XPO5: variants seen among roughly 807,000 people sequenced by gnomAD.
XPO5 encodes the protein exportin-5.
In XPO5, 46 loss-of-function variants were observed where a neutral mutation model predicts 160.6. The observed-to-expected ratio is 0.29, with a 90% confidence interval of 0.23 to 0.37. The LOEUF is 0.37. Among genes scored for constraint, XPO5 ranks in the 10% least tolerant of loss-of-function variants. The pLI is 1.00. For synonymous variants in XPO5, 537 were observed against 519.3 expected, an observed-to-expected ratio of 1.03 and a Z score of -0.46; for missense variants, 1,090 against 1,463.9, an observed-to-expected ratio of 0.74 and a Z score of 4.17.
chr6:43,541,562 A>G (rs1794690480), intron 20 of XPO5, among the ~76,000 whole-genome samples: 1 of 148,024 alleles, frequency 6.8e-6, no homozygotes, highest in Non-Finnish European at 1.5e-5. Flanking sequence ...TGCCAGGCCC[A>G]TTAAGCAGTA....
At chr6:43,533,019 G>A (rs1294706937) in intron 21 of XPO5, among the ~76,000 whole-genome samples, 1 of 152,046 alleles carries the variant, frequency 6.6e-6, no homozygotes, top group Non-Finnish European at 1.5e-5. Flanking sequence ...GATGGTGCAT[G>A]CCTGTAGTCC....
At chr6:43,568,418 C>A (rs528597638) in intron 6 of XPO5, among the ~76,000 whole-genome samples, 2 of 152,200 alleles carry the variant, frequency 1.3e-5, no homozygotes, top group African/African-American at 4.8e-5. Flanking sequence ...TTGACACCGG[C>A]CTAGGCAACA....
rs1399912293 is a variant in XPO5, at chr6:43,570,882, T to G, written c.413A>C (p.Glu138Ala). ...CCCTTGTTTGGAAAGAGTGTCCAAT[T>G]CTATTAGCATGTCAGGCCAATGCTG... ...WPQHWPDMLI[E>A]LDTLSKQGET... The change falls in exon 4 of 32, where the codon GAA becomes GCA. Residue 138 changes from glutamate (E) to alanine (A), a missense_variant. This residue lies in a region of XPO5 where 170 missense variants were observed against 227.0 expected (regional missense o/e 0.75). Transcript: ENST00000265351. 6.2e-7 allele frequency: 1 copy of G among 1,612,412 alleles called. No individual in the cohort carries two copies. Among genetic ancestry groups the G allele is most frequent in the African/African-American group, 1.3e-5 (1 of 74,758 alleles).
At chr6:43,570,748 G>A in intron 4 of XPO5, 64 bp from the exon 5 acceptor site, 1 of 1,531,628 alleles carries the variant, frequency 6.5e-7, no homozygotes, top group Non-Finnish European at 8.7e-7. Flanking sequence ...TATATCCAAA[G>A]GCTATTTTCT....
rs1372107733 is a variant in XPO5, at chr6:43,539,135, G to A, written c.2343-5128C>T. 10 of 1,171,310 alleles carry A rather than the reference G, an allele frequency of 8.5e-6. No homozygotes were observed. In the East Asian group the frequency reaches 2.5e-4, roughly 29 times the overall value. 72.6% of individuals were successfully genotyped at this position (1,171,310 alleles called of 1,614,324 possible). On this transcript the variant is annotated intron_variant, in intron 20 of 31. Coordinates refer to ENST00000265351, the MANE Select transcript of XPO5 (RefSeq NM_020750.3). ...TGCAGGGATGAGGCGCACCAGCACA[G>A]AGCCACGGCGGCCTGTCACCTTGCA...
intron 7 of XPO5, 42 bp downstream of exon 7, chr6:43,567,127 C>T (rs749768045): frequency 5.1e-6 from 8 of 1,572,484 alleles, no homozygotes; most frequent in Admixed American, 1.9e-5. Context: ...ACACAGCCTA[C>T]TTCAGAGACT....
intron 23 of XPO5, chr6:43,529,348 C>T (rs1346801546): frequency 4.1e-6 from 2 of 482,310 alleles, no homozygotes; most frequent in Non-Finnish European, 7.6e-6. Flanking sequence ...CGAGACCATC[C>T]TGGCTAACAT....
intron 18 of XPO5, 23 bp downstream of exon 18, chr6:43,548,238 T>G (rs1485919383): frequency 6.4e-7 from 1 of 1,560,470 alleles, no homozygotes; most frequent in East Asian, 2.3e-5. Context: ...ATAGTAAGAG[T>G]CAGGGCAAGG....
chr6:43,562,806 T>C (rs1433365160), intron 8 of XPO5, among the ~76,000 whole-genome samples: 2 of 152,176 alleles, frequency 1.3e-5, no homozygotes, highest in African/African-American at 2.4e-5. Flanking sequence ...CACCACTTAG[T>C]ATGAGTGTCA....
chr6:43,559,975 C>T (rs1762325703), intron 11 of XPO5, among the ~76,000 whole-genome samples: 1 of 152,172 alleles, frequency 6.6e-6, no homozygotes, highest in African/African-American at 2.4e-5. Context: ...TACCAACATG[C>T]CCTGCTAATT....
chr6:43,534,259 T>C (rs756883473), intron 20 of XPO5, among the ~76,000 whole-genome samples: 1 of 152,174 alleles, frequency 6.6e-6, no homozygotes, highest in Non-Finnish European at 1.5e-5. Flanking sequence ...CACAGGACAG[T>C]ATCAGAGTCC....
chr6:43,529,029 A>G, intron 23 of XPO5, 104 bp from the exon 24 acceptor site: 1 of 1,197,916 alleles, frequency 8.3e-7, no homozygotes, highest in Non-Finnish European at 1.2e-6. Context: ...AGGATTTGCC[A>G]GATGTCAAAA....
intron 20 of XPO5, among the ~76,000 whole-genome samples, chr6:43,535,241 C>T (rs1284282817): frequency 6.6e-6 from 1 of 151,578 alleles, no homozygotes; most frequent in Non-Finnish European, 1.5e-5. Context: ...GCCTGGGCAA[C>T]AGAGCGAGAC....
At chr6:43,567,922 T>G (rs1177153141) in intron 6 of XPO5, among the ~76,000 whole-genome samples, 2 of 140,792 alleles carry the variant, frequency 1.4e-5, no homozygotes, top group Non-Finnish European at 3.1e-5. Flanking sequence ...GGTGACAAAG[T>G]AAGACCCTGT....
intron 10 of XPO5, 144 bp downstream of exon 10, chr6:43,560,780 C>T (rs1341170305): frequency 1.4e-6 from 1 of 703,910 alleles, no homozygotes; most frequent in South Asian, 1.8e-5. Context: ...GCCAATAATT[C>T]TCTTAATGAA....
chr6:43,568,898 T>C (rs1415726089), intron 5 of XPO5, among the ~76,000 whole-genome samples, 161 bp from the exon 6 acceptor site: 1 of 152,236 alleles, frequency 6.6e-6, no homozygotes, highest in African/African-American at 2.4e-5. Context: ...ATAACTGATA[T>C]TCCCCTAGGG....
chr6:43,530,647 T>C (rs979683523), intron 23 of XPO5, 41 bp downstream of exon 23: 1 of 1,603,402 alleles, frequency 6.2e-7, no homozygotes, highest in Non-Finnish European at 8.5e-7. Flanking sequence ...CTCTCTAATT[T>C]TCTGACCTTT....
chr6:43,524,556 C>T lies in XPO5; in HGVS notation c.3392G>A (p.Cys1131Tyr), dbSNP rs1793425745. Residue 1131 changes from cysteine to tyrosine, a missense_variant, in exon 31 of 32, where the codon TGC (cysteine) becomes TAC (tyrosine). Cys to Tyr is a radical substitution (Grantham distance 194). Transcript: ENST00000265351. ...CTGCAGGGAGGGGTTTAAAAGCTTG[C>T]AGTCAAACTGGTCCAGTGAGTCCTT... ...IQKDSLDQFD[C>Y]KLLNPSLQKV... 6.2e-7 allele frequency: 1 copy of T among 1,613,998 alleles called. No homozygotes were observed. The highest frequency in any genetic ancestry group is 8.5e-7 in the Non-Finnish European group (1 of 1,179,904).
intron 5 of XPO5, among the ~76,000 whole-genome samples, chr6:43,569,893 G>A (rs1762903684): frequency 6.6e-6 from 1 of 151,068 alleles, no homozygotes; most frequent in Middle Eastern, 3.2e-3. Flanking sequence ...GACTAGCCTT[G>A]CTAACACAGC....
Sources: allele counts gnomAD v4.1 joint callset (sites outside exome capture counted in the v4.1 genomes callset), GRCh38; gene constraint gnomAD v4.1.1; regional missense constraint gnomAD v4.1.1; transcripts MANE v1.5; gene names NCBI Gene and HGNC (gene_info 2026-07-23, HGNC 2026-07-21).